The following PTPRD variants were observed in gnomAD, a reference collection of about 807,000 sequenced individuals.
PTPRD encodes protein tyrosine phosphatase receptor type D.
Under a neutral mutation model 214.5 loss-of-function variants are expected in PTPRD, and 34 were observed. The ratio of observed to expected loss-of-function variants is 0.16; its 90% confidence interval spans 0.12 to 0.21. The LOEUF is 0.21. Among genes scored for constraint, PTPRD ranks in the 10% least tolerant of loss-of-function variants. The pLI is 1.00. For synonymous variants in PTPRD, 1,128 were observed against 845.7 expected (o/e 1.33, Z -5.79); for missense variants, 2,545 against 2,398.7 (o/e 1.06, Z -1.27).
chr9:8,382,954 C>T (rs1589163261), intron 37 of PTPRD, among the ~76,000 whole-genome samples: 2 of 152,284 alleles, frequency 1.3e-5, no homozygotes, highest in South Asian at 2.1e-4. Context: ...ATTTGCTCTC[C>T]ATTAAACTTA....
intron 7 of PTPRD, among the ~76,000 whole-genome samples, chr9:9,584,015 C>T (rs1293593425): frequency 6.6e-6 from 1 of 151,986 alleles, no homozygotes; most frequent in Non-Finnish European, 1.5e-5. Flanking sequence ...ACAGTGGTAA[C>T]TCTCAAACTC....
At chr9:9,578,494 G>A (rs1056403715) in intron 7 of PTPRD, among the ~76,000 whole-genome samples, 5 of 151,536 alleles carry the variant, frequency 3.3e-5, no homozygotes, top group Admixed American at 6.6e-5. Flanking sequence ...GGGAGGGAGA[G>A]GAAATTGAAT....
intron 5 of PTPRD, among the ~76,000 whole-genome samples, chr9:9,802,408 T>G (rs1299657029): frequency 2.0e-5 from 3 of 151,978 alleles, no homozygotes; most frequent in African/African-American, 7.2e-5. Flanking sequence ...TTGAAGTTAA[T>G]GCACTACCTT....
intron 5 of PTPRD, among the ~76,000 whole-genome samples, chr9:9,909,300 G>C (rs2078493415): frequency 6.7e-6 from 1 of 148,968 alleles, no homozygotes; most frequent in Non-Finnish European, 1.5e-5. Context: ...ATTTTAGGTT[G>C]AGTTTTTAAT....
intron 2 of PTPRD, among the ~76,000 whole-genome samples, chr9:10,608,758 G>A (rs911621440): frequency 6.6e-6 from 1 of 151,930 alleles, no homozygotes; most frequent in African/African-American, 2.4e-5. Context: ...TCTCCTAACG[G>A]GTAATGTTCA....
chr9:9,314,652 T>C (rs1961518562), intron 9 of PTPRD, among the ~76,000 whole-genome samples: 1 of 152,058 alleles, frequency 6.6e-6, no homozygotes, highest in Non-Finnish European at 1.5e-5. Context: ...TAAATGCCTG[T>C]TCAATTAAAG....
chr9:10,005,019 T>C (rs2096441578), intron 4 of PTPRD, among the ~76,000 whole-genome samples: 1 of 152,156 alleles, frequency 6.6e-6, no homozygotes, highest in South Asian at 2.1e-4. Flanking sequence ...GGAAAAACTT[T>C]ACTTTTCTTA....
chr9:9,083,974 C>A (rs1489152857), intron 10 of PTPRD, among the ~76,000 whole-genome samples: 1 of 152,138 alleles, frequency 6.6e-6, no homozygotes, highest in Non-Finnish European at 1.5e-5. Context: ...ATTAGTTCAA[C>A]CATTGTGGAA....
intron 3 of PTPRD, among the ~76,000 whole-genome samples, chr9:10,334,161 G>A (rs1435332931): frequency 6.6e-6 from 1 of 151,664 alleles, no homozygotes; most frequent in Non-Finnish European, 1.5e-5. Flanking sequence ...GGGAAGGCCT[G>A]AAAATAATTC....
intron 2 of PTPRD, among the ~76,000 whole-genome samples, chr9:10,519,647 A>G (rs2051486050): frequency 6.6e-6 from 1 of 152,110 alleles, no homozygotes; most frequent in Non-Finnish European, 1.5e-5. Context: ...GAGCAAGTCC[A>G]TCAGTGCCAA....
At chr9:8,346,136 T>G (rs1315963313) in intron 39 of PTPRD, among the ~76,000 whole-genome samples, 2 of 152,052 alleles carry the variant, frequency 1.3e-5, no homozygotes, top group African/African-American at 2.4e-5. Flanking sequence ...GGTTTAAAAC[T>G]GAAAAATCAT....
At chr9:8,643,408 GAA>G (rs1363856310) in intron 12 of PTPRD, among the ~76,000 whole-genome samples, 3 of 152,104 alleles carry the variant, frequency 2.0e-5, no homozygotes, top group Non-Finnish European at 4.4e-5. Flanking sequence ...GAAAATATAT[GAA>G]AAGACAGTAA....
intron 3 of PTPRD, among the ~76,000 whole-genome samples, chr9:10,144,783 C>T (rs891704828): frequency 2.0e-5 from 3 of 152,046 alleles, no homozygotes; most frequent in Non-Finnish European, 4.4e-5. Flanking sequence ...AAATCTCTCT[C>T]TCTAATGGAT....
chr9:8,832,238 A>T (rs1180341932), intron 11 of PTPRD, among the ~76,000 whole-genome samples: 1 of 151,924 alleles, frequency 6.6e-6, no homozygotes, highest in Non-Finnish European at 1.5e-5. Context: ...TGATCCAGTA[A>T]TCCCCAAAGC....
intron 5 of PTPRD, among the ~76,000 whole-genome samples, chr9:9,928,755 T>TCTACACAC (rs1555348332): frequency 9.1e-6 from 1 of 109,624 alleles, no homozygotes; most frequent in African/African-American, 3.7e-5. Context: ...TCTCTCTCTC[T>TCTACACAC]ATACACACAC....
intron 3 of PTPRD, among the ~76,000 whole-genome samples, chr9:10,257,588 A>G (rs2093377208): frequency 6.6e-6 from 1 of 152,206 alleles, no homozygotes; most frequent in Non-Finnish European, 1.5e-5. Flanking sequence ...CTAAATCAAA[A>G]TGATTTATAT....
At chr9:8,982,817 A>G (rs903365122) in intron 11 of PTPRD, among the ~76,000 whole-genome samples, 1 of 152,024 alleles carries the variant, frequency 6.6e-6, no homozygotes. Flanking sequence ...AATATTCAGA[A>G]CTGCTTATAT....
At chr9:9,301,100 TC>T (rs112086448) in intron 9 of PTPRD, among the ~76,000 whole-genome samples, 6 of 151,842 alleles carry the variant, frequency 4.0e-5, no homozygotes, top group African/African-American at 1.4e-4. Context: ...AATTTAAGAT[TC>T]TTGTGATTAA....
chr9:9,008,279 A>G (rs1320590682), intron 11 of PTPRD, among the ~76,000 whole-genome samples: 1 of 148,174 alleles, frequency 6.7e-6, no homozygotes, highest in Admixed American at 6.8e-5. Flanking sequence ...CCCAGGCTGG[A>G]GTCCAGTGGC....
Sources: allele counts gnomAD v4.1 joint callset (sites outside exome capture counted in the v4.1 genomes callset), GRCh38; gene constraint gnomAD v4.1.1; transcripts MANE v1.5; gene names NCBI Gene and HGNC (gene_info 2026-07-23, HGNC 2026-07-21).